Variants in NUDT17 observed in about 807,000 individuals in gnomAD.
The protein encoded by NUDT17 is m7GpppN-mRNA hydrolase NUDT17.
In NUDT17, 38 loss-of-function variants were observed where a neutral mutation model predicts 38.6. The ratio of observed to expected loss-of-function variants is 0.98; its 90% CI spans 0.76 to 1.29. The LOEUF (loss-of-function observed/expected upper bound fraction) is 1.29. NUDT17 is among the 50% of genes most tolerant of loss of function. The probability of loss-of-function intolerance (pLI) is 0.00; values close to 1 mark genes in which losing one functional copy is unlikely to be tolerated. For missense variants in NUDT17, 462 were observed against 415.2 expected, an observed-to-expected ratio of 1.11 and a Z score of -0.98; for synonymous variants, 192 against 167.8, an observed-to-expected ratio of 1.14 and a Z score of -1.11.
Position 145,846,612 on chromosome 1 carries a change from G to A in NUDT17, c.417G>A (p.Gly139=). ...VELEEELLDG[G]LRELWEESGL... ...CTGACTCCCAGCTGCTGGACGGAGG[G>A]CTTCGAGAACTTTGGGAGGAGAGTG... is the stretch of plus-strand genomic sequence containing the variant. The change falls in exon 4 of 8, where the codon GGG becomes GGA. Residue 139 remains glycine, a synonymous_variant. Transcript: ENST00000334513. 6.2e-7 allele frequency: 1 copy of A among 1,614,182 alleles called. No homozygotes were observed. The highest frequency in any genetic ancestry group is 8.5e-7 in the Non-Finnish European group (1 of 1,179,992).
intron 4 of NUDT17, among the ~76,000 whole-genome samples, chr1:145,847,012 C>G (rs1039195761): frequency 6.6e-6 from 1 of 152,102 alleles, no homozygotes; most frequent in South Asian, 2.1e-4. Flanking sequence ...GACAACATGG[C>G]GAAACCCCGT....
chr1:145,846,069 T>A lies in NUDT17; in HGVS notation c.249T>A (p.Ala83=), dbSNP rs1553732333. 2.5e-6 allele frequency: 4 copies of A among 1,605,606 alleles called. No individual in the cohort carries two copies. The highest frequency in any genetic ancestry group is 2.5e-6 in the Non-Finnish European group (3 of 1,176,794). Residue 83 remains alanine, a synonymous_variant, in exon 2 of 8, where the codon GCT becomes GCA. Transcript: ENST00000334513. ...ALEERPRVPG[A]ELPTDRGVDL... ...AGGAGCGGCCCAGGGTCCCTGGGGC[T>A]GAGCTGCCCACAGATCGAGGTGTGG...
At chr1:145,847,979 T>C in intron 6 of NUDT17, 133 bp from the exon 7 acceptor site, 5 of 1,043,608 alleles carry the variant, frequency 4.8e-6, no homozygotes, top group Non-Finnish European at 5.7e-6. Flanking sequence ...TCCTTGAACC[T>C]GTTTCCTTTC....
At chr1:145,846,411 A>G in intron 2 of NUDT17, 22 bp from the exon 3 acceptor site, 2 of 1,614,056 alleles carry the variant, frequency 1.2e-6, no homozygotes, top group Non-Finnish European at 1.7e-6. Flanking sequence ...CCATTCACCT[A>G]CTGGCCCCAC....
In NUDT17 at chr1:145,847,594, A is replaced by G; in HGVS notation, c.606A>G (p.Gln202=). 5.0e-6 allele frequency: 8 copies of G among 1,613,564 alleles called. No individual in the cohort carries two copies. The highest frequency in any genetic ancestry group is 1.1e-5 in the South Asian group (1 of 91,074). ...ESQQQLQARI[Q]PNPNEVSALM... is the part of the protein sequence containing the mutation. ...ATGTCTGACCCCAGGCCCGGATCCA[A>G]CCAAACCCAAATGAGGTGAGCGCCC... is the stretch of plus-strand genomic sequence containing the variant. Residue 202 remains glutamine, a synonymous_variant, in exon 6 of 8, where the codon CAA becomes CAG. Transcript: ENST00000334513.
Position 145,845,776 on chromosome 1 carries a change from C to G in NUDT17, c.136C>G (p.Arg46Gly), listed in dbSNP as rs868946439. Residue 46 changes from arginine (R) to glycine (G), a missense_variant, in exon 1 of 8, where the codon CGG becomes GGG. Arg to Gly is a moderately radical substitution (Grantham distance 125, BLOSUM62 -2). Transcript: ENST00000334513. Reference sequence around the variant, plus strand: ...CATTCACTGCAGCTTGAAGCGAGGACGGCTTGTCCTCTCGAGCAGGCCCTT... The same window carrying G: ...CATTCACTGCAGCTTGAAGCGAGGAGGGCTTGTCCTCTCGAGCAGGCCCTT... Reference protein sequence around the residue: ...WPIHCSLKRGRLVLSSRPFPG... With the variant: ...WPIHCSLKRGGLVLSSRPFPG... 2.5e-6 allele frequency: 4 copies of G among 1,589,952 alleles called. No homozygotes were observed. The Admixed American group carries it at 7.1e-5, about 28-fold the overall frequency.
intron 4 of NUDT17, 66 bp downstream of exon 4, chr1:145,846,756 A>G: frequency 5.5e-6 from 6 of 1,092,192 alleles, no homozygotes; most frequent in African/African-American, 1.5e-5. Context: ...CTACAAGGGA[A>G]ACAATAGCAC....
At position 145,848,208 on chromosome 1, in the gene NUDT17, G is replaced by A. The variant is rs782734090; in HGVS notation, c.828G>A (p.Glu276=). ...TCCCAACCATGGCAGAGGACAAAGA[G>A]AGAGTCAGCACTGGAACCAAGTTTG... ...RMIPTMAEDK[E]RVSTGTKFAL... is the part of the protein sequence containing the mutation. Residue 276 remains glutamate (E), a synonymous_variant, in exon 7 of 8, where the codon GAG becomes GAA. Coordinates refer to ENST00000334513, the MANE Select transcript of NUDT17 (RefSeq NM_001012758.3). The A allele has an allele frequency of 6.2e-7, 1 of 1,614,214 alleles. No homozygotes were observed. The highest frequency in any genetic ancestry group is 2.2e-5 in the East Asian group (1 of 44,882).
Position 145,848,550 on chromosome 1 carries a change from G to C in NUDT17, c.*71G>C. ...CATTCACAACCTTTATTATGGGTGA[G>C]AGCTTCACTACAACTTTAGAAATAA... On this transcript the variant is annotated 3_prime_UTR_variant, in exon 8 of 8. Coordinates refer to ENST00000334513, the MANE Select transcript of NUDT17 (RefSeq NM_001012758.3). 9.8e-7 allele frequency: 1 copy of C among 1,024,214 alleles called. No individual in the cohort carries two copies. Among genetic ancestry groups the C allele is most frequent in the East Asian group, 2.4e-5 (1 of 42,002 alleles). 63.4% of individuals were successfully genotyped at this position (1,024,214 alleles called of 1,614,324 possible). A position where few individuals can be genotyped will look rare whatever the true frequency, so the allele number is the denominator to read the frequency against.
rs782354356 is a variant in NUDT17 at position 145,846,353 on chromosome 1, G to A, written c.377-80G>A. Reference sequence around the variant, plus strand: ...CAACTCCCTCTGTGTCCACTGGAGGGGAGAGGAGTGTCAACAGTGAGTGGG... The same window carrying A: ...CAACTCCCTCTGTGTCCACTGGAGGAGAGAGGAGTGTCAACAGTGAGTGGG... On this transcript the variant is annotated intron_variant, in intron 2 of 7. Coordinates refer to ENST00000334513, the MANE Select transcript of NUDT17 (RefSeq NM_001012758.3). 22 of 1,545,762 alleles carry A rather than the reference G, an allele frequency of 1.4e-5. No homozygotes were observed. The East Asian group carries it at 4.7e-4, about 33-fold the overall frequency.
Position 145,845,994 on chromosome 1 carries a change from G to T in NUDT17, c.193-19G>T. ...GCCGCCCTTCTGAAGCCTTAACCCA[G>T]CTGGCTTCCTTCTGCCAGCGACCCC... On this transcript the variant is annotated intron_variant, in intron 1 of 7. Coordinates refer to ENST00000334513, the MANE Select transcript of NUDT17 (RefSeq NM_001012758.3). The T allele has an allele frequency of 6.3e-7, 1 of 1,586,966 alleles. No individual in the cohort carries two copies. The highest frequency in any genetic ancestry group is 8.6e-7 in the Non-Finnish European group (1 of 1,167,096).
rs375107467 is a variant in NUDT17 at position 145,845,694 on chromosome 1, C to T, written c.54C>T (p.Ser18=). 1.9e-6 allele frequency: 3 copies of T among 1,546,724 alleles called. No homozygotes were observed. Among genetic ancestry groups the T allele is most frequent in the Non-Finnish European group, 2.6e-6 (3 of 1,143,694 alleles). The change falls in exon 1 of 8, where the codon AGC becomes AGT. Residue 18 remains serine (S), a synonymous_variant. Transcript: ENST00000334513. ...LLLSRRPESV[S]FARSVCGLLG... is the part of the protein sequence containing the mutation. ...TGTCCCGGCGTCCGGAGTCGGTGAG[C>T]TTCGCACGGAGTGTGTGTGGCCTCC...
rs1652607217 is a variant in NUDT17 at position 145,845,667 on chromosome 1, C to G, written c.27C>G (p.Leu9=). 6.5e-7 allele frequency: 1 copy of G among 1,532,544 alleles called. No homozygotes were observed. 94.9% of individuals were successfully genotyped at this position (1,532,544 alleles called of 1,614,324 possible). A position where few individuals can be genotyped will look rare whatever the true frequency, so the allele number is the denominator to read the frequency against. ...TGGCCGAGGTGCGGGTGCAGCTGCTCCTGTCCCGGCGTCCGGAGTCGGTGA... is the reference window on the plus strand; with the variant it reads ...TGGCCGAGGTGCGGGTGCAGCTGCTGCTGTCCCGGCGTCCGGAGTCGGTGA... MAEVRVQL[L]LSRRPESVSF... The change falls in exon 1 of 8, where the codon CTC becomes CTG. Residue 9 remains leucine, a synonymous_variant. Coordinates refer to ENST00000334513, the MANE Select transcript of NUDT17 (RefSeq NM_001012758.3).
chr1:145,848,473 A>G lies in NUDT17; in HGVS notation c.981A>G (p.Gly327=). 1 of 1,611,220 alleles carries G rather than the reference A, an allele frequency of 6.2e-7. No individual in the cohort carries two copies. The highest frequency in any genetic ancestry group is 8.5e-7 in the Non-Finnish European group (1 of 1,177,634). Residue 327 remains glycine (G), a synonymous_variant, in exon 8 of 8, where the codon GGA becomes GGG. Coordinates refer to ENST00000334513, the MANE Select transcript of NUDT17 (RefSeq NM_001012758.3). ...MDPLPPNQGS[G]K is the part of the protein sequence containing the mutation. ...CTCTTCCCCCAAACCAGGGGTCTGG[A>G]AAGTGAAGTGTAAAATCCCCTCCCT...
chr1:145,848,177 G>C lies in NUDT17; in HGVS notation c.797G>C (p.Arg266Pro), dbSNP rs139025436. Residue 266 changes from arginine to proline, a missense_variant, in exon 7 of 8, where the codon CGG (arginine) becomes CCG (proline). Coordinates refer to ENST00000334513, the MANE Select transcript of NUDT17 (RefSeq NM_001012758.3). Reference sequence around the variant, plus strand: ...GTCCTGCACATGTCCACCCTCCTGCGGATGATCCCAACCATGGCAGAGGAC... The same window carrying C: ...GTCCTGCACATGTCCACCCTCCTGCCGATGATCCCAACCATGGCAGAGGAC... ...PLVLHMSTLL[R>P]MIPTMAEDKE... 1.2e-6 allele frequency: 2 copies of C among 1,614,054 alleles called. No homozygotes were observed. The highest frequency in any genetic ancestry group is 1.7e-6 in the Non-Finnish European group (2 of 1,180,024).
intron 2 of NUDT17, 70 bp from the exon 3 acceptor site, chr1:145,846,363 G>A: frequency 6.3e-7 from 1 of 1,584,136 alleles, no homozygotes; most frequent in African/African-American, 1.3e-5. Flanking sequence ...GGAGAGGAGT[G>A]TCAACAGTGA....
chr1:145,845,873 C>T lies in NUDT17; in HGVS notation c.192+41C>T, dbSNP rs587653712. The T allele has an allele frequency of 2.8e-5, 44 of 1,545,564 alleles. No homozygotes were observed. In the South Asian group the frequency reaches 4.9e-4, roughly 17 times the overall value. ...CCCCAGAGCGGGGGCAGTGAAGGGC[C>T]AAAGATGGGGACTGAAATCGGGTGG... On this transcript the variant is annotated intron_variant, in intron 1 of 7. Coordinates refer to ENST00000334513, the MANE Select transcript of NUDT17 (RefSeq NM_001012758.3).
chr1:145,846,067 G>A lies in NUDT17; in HGVS notation c.247G>A (p.Ala83Thr), dbSNP rs1212316944. Reference protein sequence around the residue: ...ALEERPRVPGAELPTDRGVDL... With the variant: ...ALEERPRVPGTELPTDRGVDL... Reference sequence around the variant, plus strand: ...GGAGGAGCGGCCCAGGGTCCCTGGGGCTGAGCTGCCCACAGATCGAGGTGT... The same window carrying A: ...GGAGGAGCGGCCCAGGGTCCCTGGGACTGAGCTGCCCACAGATCGAGGTGT... The change falls in exon 2 of 8, where the codon GCT (alanine) becomes ACT (threonine). Residue 83 changes from alanine to threonine, a missense_variant. By Grantham distance (58) the Ala-to-Thr change is moderately conservative (BLOSUM62 0). Transcript: ENST00000334513. 1.9e-6 allele frequency: 3 copies of A among 1,605,266 alleles called. No individual in the cohort carries two copies. The highest frequency in any genetic ancestry group is 8.5e-7 in the Non-Finnish European group (1 of 1,176,644).
chr1:145,847,434 T>C (rs1440877740), intron 5 of NUDT17, 86 bp downstream of exon 5: 44 of 739,810 alleles, frequency 5.9e-5, no homozygotes, highest in Middle Eastern at 8.0e-4. Context: ...TGGGCGGGGG[T>C]GGCGGGGGTA....
Sources: gnomAD v4.1 joint callset for allele counts (sites outside exome capture counted in the v4.1 genomes callset) on GRCh38, gnomAD v4.1.1 for gene constraint, MANE v1.5 for transcripts, NCBI Gene and HGNC (gene_info 2026-07-23, HGNC 2026-07-21) for gene names.